The following ZBTB20 variants were observed in gnomAD, a reference collection of about 807,000 sequenced individuals.
ZBTB20 encodes zinc finger and BTB domain containing 20, also known as zinc finger and BTB domain-containing protein 20.
Under a neutral mutation model 56.9 loss-of-function variants are expected in ZBTB20, and 9 were observed. That is an observed-to-expected ratio of 0.16 (90% CI 0.10 to 0.28). The LOEUF is 0.28. Among genes scored for constraint, ZBTB20 ranks in the 10% least tolerant of loss-of-function variants. The probability of loss-of-function intolerance (pLI) is 1.00; values close to 1 mark genes in which losing one functional copy is unlikely to be tolerated. For synonymous variants in ZBTB20, 417 were observed against 420.7 expected, an observed-to-expected ratio of 0.99 and a Z score of 0.11; for missense variants, 655 against 1,003.0, an observed-to-expected ratio of 0.65 and a Z score of 4.69.
intron 7 of ZBTB20, among the ~76,000 whole-genome samples, chr3:114,418,724 C>T (rs1230659515): frequency 6.6e-6 from 1 of 151,914 alleles, no homozygotes; most frequent in South Asian, 2.1e-4. Flanking sequence ...ATAAAATATG[C>T]GTAGTCCGTC....
At chr3:114,647,493 T>G (rs2059914474) in intron 6 of ZBTB20, among the ~76,000 whole-genome samples, 1 of 152,186 alleles carries the variant, frequency 6.6e-6, no homozygotes, top group Non-Finnish European at 1.5e-5. Flanking sequence ...TGAGGTTAGC[T>G]TCTGACCAAA....
At chr3:114,770,633 A>AT (rs1158808324) in intron 5 of ZBTB20, among the ~76,000 whole-genome samples, 2 of 152,226 alleles carry the variant, frequency 1.3e-5, no homozygotes, top group Non-Finnish European at 2.9e-5. Flanking sequence ...GCCATCTTTT[A>AT]GAAATCTGTA....
At chr3:115,065,628 G>A (rs2082179868) in intron 2 of ZBTB20, among the ~76,000 whole-genome samples, 1 of 152,142 alleles carries the variant, frequency 6.6e-6, no homozygotes, top group Non-Finnish European at 1.5e-5. Flanking sequence ...ATTTCCTGAA[G>A]ATGTTAATCC....
chr3:114,919,612 G>A (rs1418718767), intron 3 of ZBTB20, among the ~76,000 whole-genome samples: 2 of 151,976 alleles, frequency 1.3e-5, no homozygotes, highest in East Asian at 3.9e-4. Flanking sequence ...GGCTGAGGCA[G>A]GAGAATCACT....
At chr3:115,102,046 G>A (rs1291122957) in intron 1 of ZBTB20, among the ~76,000 whole-genome samples, 5 of 152,052 alleles carry the variant, frequency 3.3e-5, no homozygotes, top group Non-Finnish European at 7.4e-5. Flanking sequence ...CTATTTTCAG[G>A]GTGGCTAACC....
intron 3 of ZBTB20, among the ~76,000 whole-genome samples, chr3:114,950,066 A>C (rs543196597): frequency 6.6e-6 from 1 of 152,262 alleles, no homozygotes; most frequent in African/African-American, 2.4e-5. Context: ...CATGTCACAC[A>C]TGCCTGAAAA....
chr3:114,663,012 C>T (rs943526249), intron 6 of ZBTB20, among the ~76,000 whole-genome samples: 6 of 150,300 alleles, frequency 4.0e-5, no homozygotes, highest in African/African-American at 7.3e-5. Flanking sequence ...GGCAGGCCAA[C>T]GTTCAGATTC....
chr3:114,750,698 A>G (rs2067491572), intron 5 of ZBTB20, among the ~76,000 whole-genome samples: 2 of 152,210 alleles, frequency 1.3e-5, no homozygotes, highest in Admixed American at 6.5e-5. Context: ...TTTTGAATTT[A>G]GCAATGGACT....
chr3:114,847,889 T>A (rs1375996999), intron 4 of ZBTB20, among the ~76,000 whole-genome samples: 1 of 152,212 alleles, frequency 6.6e-6, no homozygotes, highest in African/African-American at 2.4e-5. Flanking sequence ...GTGAATTAAC[T>A]ATATACATAC....
chr3:114,754,804 A>G (rs1360629817), intron 5 of ZBTB20, among the ~76,000 whole-genome samples: 2 of 152,188 alleles, frequency 1.3e-5, no homozygotes, highest in African/African-American at 2.4e-5. Context: ...AGTTTTGTCT[A>G]ATCTAGGTGT....
At chr3:114,784,216 A>C (rs976524053) in intron 5 of ZBTB20, among the ~76,000 whole-genome samples, 5 of 152,184 alleles carry the variant, frequency 3.3e-5, no homozygotes, top group African/African-American at 1.2e-4. Flanking sequence ...TAGAGTTGCC[A>C]CAGGCAAGAG....
At chr3:114,512,613 A>G (rs569649427) in intron 6 of ZBTB20, among the ~76,000 whole-genome samples, 1 of 152,252 alleles carries the variant, frequency 6.6e-6, no homozygotes, top group South Asian at 2.1e-4. Context: ...GAGCTATACT[A>G]TCAACACAGC....
intron 6 of ZBTB20, among the ~76,000 whole-genome samples, chr3:114,610,813 G>T (rs2057492045): frequency 6.6e-6 from 1 of 152,178 alleles, no homozygotes; most frequent in African/African-American, 2.4e-5. Flanking sequence ...TAAGTAAGTA[G>T]TGAAAGACAC....
At chr3:115,093,564 G>T (rs1045295501) in intron 1 of ZBTB20, among the ~76,000 whole-genome samples, 2 of 152,080 alleles carry the variant, frequency 1.3e-5, no homozygotes, top group African/African-American at 2.4e-5. Flanking sequence ...ATTTGACTTT[G>T]TTTTTAAAAA....
At chr3:114,668,440 T>C (rs187709522) in intron 6 of ZBTB20, among the ~76,000 whole-genome samples, 129 of 152,154 alleles carry the variant, frequency 8.5e-4, no homozygotes, top group African/African-American at 2.1e-3. Flanking sequence ...TCAGGTTAAT[T>C]AAATTAAGCA....
chr3:114,527,968 A>C (rs1455124507), intron 6 of ZBTB20, among the ~76,000 whole-genome samples: 2 of 151,588 alleles, frequency 1.3e-5, no homozygotes, highest in East Asian at 3.9e-4. Context: ...TATTCTGAAG[A>C]TAGATTGTGT....
intron 2 of ZBTB20, among the ~76,000 whole-genome samples, chr3:114,975,239 G>C (rs2078048120): frequency 6.6e-6 from 1 of 152,090 alleles, no homozygotes; most frequent in Non-Finnish European, 1.5e-5. Context: ...TGAATTTGAT[G>C]TTGTGTTCCC....
Position 114,941,099 on chromosome 3 carries a change from C to T in ZBTB20, c.-456+33267G>A, listed in dbSNP as rs2076709120. Among the ~76,000 whole-genome samples, 2 of 146,302 alleles carry T rather than the reference C, an allele frequency of 1.4e-5. 1 individual carries two copies. The highest frequency in any genetic ancestry group is 5.5e-5 in the African/African-American group (2 of 36,094). On this transcript the variant is annotated intron_variant, in intron 3 of 11. Coordinates refer to ENST00000675478, the MANE Select transcript of ZBTB20 (RefSeq NM_001348800.3). ...AGGAGGGCATACCTCATATTTATCA[C>T]CTGGAAAACTAGAGAAAAGTTTCAT...
At chr3:115,000,596 T>C (rs1451728369) in intron 2 of ZBTB20, among the ~76,000 whole-genome samples, 2 of 151,562 alleles carry the variant, frequency 1.3e-5, no homozygotes, top group African/African-American at 2.4e-5. Context: ...AACATTGGCC[T>C]ATCAGGACCT....
Sources: gnomAD v4.1 joint callset for allele counts (sites outside exome capture counted in the v4.1 genomes callset) on GRCh38, gnomAD v4.1.1 for gene constraint, MANE v1.5 for transcripts, NCBI Gene and HGNC (gene_info 2026-07-23, HGNC 2026-07-21) for gene names.